PRKCG: variants seen among roughly 807,000 people sequenced by gnomAD.
PRKCG encodes protein kinase C gamma type.
In PRKCG, 28 loss-of-function variants were observed where a neutral mutation model predicts 82.0. That is an observed-to-expected ratio of 0.34 (90% CI 0.25 to 0.47). The LOEUF is 0.47. Ranked by LOEUF, PRKCG falls within the 20% of genes least tolerant of loss-of-function variation. The pLI, the probability that PRKCG is intolerant of heterozygous loss-of-function variation, is 1.00. For synonymous variants in PRKCG, 383 were observed against 376.6 expected, an observed-to-expected ratio of 1.02 and a Z score of -0.20; for missense variants, 640 against 952.7, an observed-to-expected ratio of 0.67 and a Z score of 4.32.
chr19:53,889,887 C>A lies in PRKCG; in HGVS notation c.399C>A (p.Cys133Ter), dbSNP rs867162725. The A allele has an allele frequency of 1.3e-6, 2 of 1,584,150 alleles. No individual in the cohort carries two copies. The highest frequency in any genetic ancestry group is 1.8e-5 in the Admixed American group (1 of 55,978). ...GCTACCCGCAGCTTTCCCCTCCAGG[C>A]TGCGAGATGAACGTGCACCGGCGCT... ...GLVHQGMKCS[C>*]CEMNVHRRCV... The change falls in exon 5 of 18, where the codon TGC (cysteine) becomes TGA (stop). Residue 133 changes from cysteine (C) to a stop codon, truncating the protein, a stop_gained and splice_region_variant. Transcript: ENST00000263431. LOFTEE classifies it high-confidence loss of function. The surrounding 1 kb of genome is among the most constrained non-coding windows in gnomAD (Gnocchi z 4.4).
intron 5 of PRKCG, among the ~76,000 whole-genome samples, chr19:53,891,049 C>T (rs1001128696): frequency 3.3e-5 from 5 of 151,856 alleles, no homozygotes; most frequent in African/African-American, 4.8e-5. Context: ...CCGTGCCCGG[C>T]AATGGCTTTC....
At position 53,893,081 on chromosome 19, in the gene PRKCG, C is replaced by T. The variant is rs1251848266; in HGVS notation, c.909+6C>T. The T allele has an allele frequency of 1.2e-6, 2 of 1,612,816 alleles. No homozygotes were observed. Among genetic ancestry groups the T allele is most frequent in the Non-Finnish European group, 1.7e-6 (2 of 1,179,242 alleles). On this transcript the variant is annotated splice_donor_region_variant and intron_variant, in intron 8 of 17. Coordinates refer to ENST00000263431, the MANE Select transcript of PRKCG (RefSeq NM_002739.5). ...GCCTCCTCCAGAAGTTTGAGGTACC[C>T]AGACCCTGGCTTCCTCAAGGGAGCC...
At chr19:53,893,243 T>A in intron 8 of PRKCG, 119 bp from the exon 9 acceptor site, 1 of 1,332,242 alleles carries the variant, frequency 7.5e-7, no homozygotes. Context: ...CAGGGTCTGA[T>A]GGGAATTATA....
intron 8 of PRKCG, 101 bp from the exon 9 acceptor site, chr19:53,893,261 T>A (rs2068693446): frequency 2.9e-6 from 4 of 1,389,792 alleles, no homozygotes; most frequent in Non-Finnish European, 4.1e-6. Flanking sequence ...ATAGTTCCTA[T>A]CTATCGCCAT....
rs1368185358 is a variant in PRKCG at position 53,883,040 on chromosome 19, C to T, written c.171-123C>T. ...CTGGGTTCTAGAAAGAGGAGGTGGC[C>T]GGGGCTTGGACACCTGGGCCCTGCG... On this transcript the variant is annotated intron_variant, in intron 1 of 17. Transcript: ENST00000263431. The surrounding 1 kb of genome is among the most constrained non-coding windows in gnomAD (Gnocchi z 5.4). 3 of 1,290,124 alleles carry T rather than the reference C, an allele frequency of 2.3e-6. No homozygotes were observed. The highest frequency in any genetic ancestry group is 3.4e-6 in the Non-Finnish European group (3 of 891,080). 79.9% of individuals were successfully genotyped at this position (1,290,124 alleles called of 1,614,324 possible). A position where few individuals can be genotyped will look rare whatever the true frequency, so the allele number is the denominator to read the frequency against.
At position 53,892,938 on chromosome 19, in the gene PRKCG, A is replaced by T. The variant is rs780287827; in HGVS notation, c.822-50A>T. On this transcript the variant is annotated intron_variant, in intron 7 of 17. Transcript: ENST00000263431. This position sits in a 1 kb window ranked among gnomAD's most constrained non-coding sequence, Gnocchi z 5.9. ...CCCTTCCAATGTCTTTGCCTCTCCC[A>T]TGGGTGCCCCATCCCCGCTGCCCGC... The T allele has an allele frequency of 6.5e-7, 1 of 1,537,418 alleles. No homozygotes were observed. The highest frequency in any genetic ancestry group is 9.0e-7 in the Non-Finnish European group (1 of 1,113,138).
At chr19:53,885,112 C>A (rs1194999828) in intron 3 of PRKCG, among the ~76,000 whole-genome samples, 1 of 152,228 alleles carries the variant, frequency 6.6e-6, no homozygotes, top group Non-Finnish European at 1.5e-5. Context: ...TCTGTACATG[C>A]ACTGTCCAAT....
At chr19:53,890,653 C>T (rs990237497) in intron 5 of PRKCG, among the ~76,000 whole-genome samples, 1 of 151,690 alleles carries the variant, frequency 6.6e-6, no homozygotes, top group African/African-American at 2.4e-5. Context: ...GCAATCTTGG[C>T]TCACTGCAAT....
At position 53,884,401 on chromosome 19, in the gene PRKCG, C is replaced by G. The variant is rs555381566; in HGVS notation, c.285+158C>G. On this transcript the variant is annotated intron_variant, in intron 3 of 17. Transcript: ENST00000263431. The surrounding 1 kb of genome is among the most constrained non-coding windows in gnomAD (Gnocchi z 4.6). ...CTGGCCCAGATTCCTTGCCCTTGGC[C>G]TGGAAAGGGGGAATGCGAGGGGGAC... Among the ~76,000 whole-genome samples the G allele has an allele frequency of 6.6e-6, 1 of 151,594 alleles. No homozygotes were observed. Among genetic ancestry groups the G allele is most frequent in the South Asian group, 2.1e-4 (1 of 4,776 alleles).
chr19:53,893,244 G>A (rs1456808289), intron 8 of PRKCG, 118 bp from the exon 9 acceptor site: 2 of 1,327,060 alleles, frequency 1.5e-6, no homozygotes, highest in African/African-American at 2.9e-5. Context: ...AGGGTCTGAT[G>A]GGAATTATAG....
At chr19:53,891,199 C>T (rs896299467) in intron 5 of PRKCG, among the ~76,000 whole-genome samples, 5 of 151,540 alleles carry the variant, frequency 3.3e-5, no homozygotes, top group African/African-American at 7.3e-5. Context: ...TCACTGGTTG[C>T]GGAAAGGGCT....
In PRKCG at chr19:53,893,079, C is replaced by T; in HGVS notation, c.909+4C>T. The T allele has an allele frequency of 6.2e-7, 1 of 1,613,060 alleles. No individual in the cohort carries two copies. The highest frequency in any genetic ancestry group is 8.5e-7 in the Non-Finnish European group (1 of 1,179,250). ...CAGCCTCCTCCAGAAGTTTGAGGTA[C>T]CCAGACCCTGGCTTCCTCAAGGGAG... On this transcript the variant is annotated splice_donor_region_variant and intron_variant, in intron 8 of 17. Transcript: ENST00000263431.
intron 11 of PRKCG, among the ~76,000 whole-genome samples, chr19:53,898,914 C>CG (rs538818014): frequency 2.0e-4 from 9 of 44,846 alleles, no homozygotes; most frequent in Middle Eastern, 0.017. Flanking sequence ...AGGGACTCAT[C>CG]GGGGGCGTGG....
intron 16 of PRKCG, among the ~76,000 whole-genome samples, chr19:53,906,084 CCTTCTT>C (rs1199099703): frequency 2.3e-3 from 63 of 27,978 alleles, no homozygotes; most frequent in Middle Eastern, 0.077. Context: ...TCCTCCTCCT[CCTTCTT>C]CTTCTTCTTC....
chr19:53,906,558 GC>G (rs934981690), intron 17 of PRKCG, 101 bp downstream of exon 17: 1 of 1,557,938 alleles, frequency 6.4e-7, no homozygotes, highest in Non-Finnish European at 8.8e-7. Flanking sequence ...CCTCTGCAGA[GC>G]CCCCCGCCCC....
chr19:53,899,352 A>T (rs1386096405), intron 11 of PRKCG, among the ~76,000 whole-genome samples: 2 of 152,120 alleles, frequency 1.3e-5, no homozygotes, highest in Non-Finnish European at 2.9e-5. Context: ...GGCACAGTGG[A>T]GGAGGGTGCC....
At chr19:53,890,652 G>A (rs957692499) in intron 5 of PRKCG, among the ~76,000 whole-genome samples, 3 of 150,982 alleles carry the variant, frequency 2.0e-5, no homozygotes, top group African/African-American at 7.3e-5. Flanking sequence ...TGCAATCTTG[G>A]CTCACTGCAA....
intron 9 of PRKCG, among the ~76,000 whole-genome samples, chr19:53,895,552 A>G (rs1258472449): frequency 2.6e-5 from 4 of 151,802 alleles, no homozygotes; most frequent in Non-Finnish European, 5.9e-5. Flanking sequence ...ACAACATGTT[A>G]TAGTCTTTAC....
chr19:53,888,389 G>T (rs1316216058), intron 3 of PRKCG, among the ~76,000 whole-genome samples: 2 of 152,146 alleles, frequency 1.3e-5, no homozygotes, highest in African/African-American at 4.8e-5. Flanking sequence ...GTAGTGGGTG[G>T]CAGGGGAGAA....
Sources: allele counts gnomAD v4.1 joint callset (sites outside exome capture counted in the v4.1 genomes callset), GRCh38; gene constraint gnomAD v4.1.1; non-coding constraint Gnocchi (gnomAD v3.1); transcripts MANE v1.5; gene names NCBI Gene and HGNC (gene_info 2026-07-23, HGNC 2026-07-21).